Variants in SHISA9 observed in about 807,000 individuals in gnomAD.
SHISA9 encodes the protein shisa family member 9, also known as protein shisa-9.
In SHISA9, 13 loss-of-function variants were observed where a neutral mutation model predicts 38.0. That is an observed-to-expected ratio of 0.34 (90% CI 0.22 to 0.54). The LOEUF (loss-of-function observed/expected upper bound fraction) is 0.54, where lower values mean the gene tolerates loss of function less well. Among genes scored for constraint, SHISA9 ranks in the 20% least tolerant of loss-of-function variants. The pLI is 0.91. For missense variants in SHISA9, 538 were observed against 575.8 expected, an observed-to-expected ratio of 0.93 and a Z score of 0.67; for synonymous variants, 275 against 242.0, an observed-to-expected ratio of 1.14 and a Z score of -1.27.
chr16:13,415,897 T>C, the SHISA9 span, among the ~76,000 whole-genome samples: 4 of 148,934 alleles, frequency 2.7e-5, no homozygotes, highest in African/African-American at 7.8e-5. Context: ...TGGAAGATTA[T>C]ATTTATATGA....
chr16:13,231,960 G>A (rs562832252), intron 4 of SHISA9, among the ~76,000 whole-genome samples: 22 of 152,290 alleles, frequency 1.4e-4, no homozygotes, highest in Middle Eastern at 3.4e-3. Context: ...TTTGTCAAGC[G>A]GGAGAAATAG....
chr16:13,368,129 C>T, the SHISA9 span, among the ~76,000 whole-genome samples: 17 of 152,074 alleles, frequency 1.1e-4, no homozygotes, highest in Admixed American at 1.1e-3. Flanking sequence ...AATCAACCAG[C>T]CCTTAAAACT....
At chr16:13,468,009 G>A in the SHISA9 span, among the ~76,000 whole-genome samples, 1 of 152,130 alleles carries the variant, frequency 6.6e-6, no homozygotes. Context: ...TAACAGCAAT[G>A]GATATTACAA....
chr16:13,039,671 G>T (rs2073112485), intron 2 of SHISA9, among the ~76,000 whole-genome samples: 1 of 152,054 alleles, frequency 6.6e-6, no homozygotes, highest in Non-Finnish European at 1.5e-5. Context: ...CTAGTATGAG[G>T]TTTATTTTTC....
At chr16:13,537,034 C>A in the SHISA9 span, among the ~76,000 whole-genome samples, 1 of 152,084 alleles carries the variant, frequency 6.6e-6, no homozygotes. Flanking sequence ...CTCTGACATA[C>A]CAGCTCCACT....
chr16:12,944,633 A>C (rs1159461342), intron 2 of SHISA9, among the ~76,000 whole-genome samples: 13 of 152,118 alleles, frequency 8.5e-5, no homozygotes, highest in Non-Finnish European at 1.5e-4. Context: ...CGTTCCATGA[A>C]ATGACCCTGG....
intron 2 of SHISA9, among the ~76,000 whole-genome samples, chr16:13,191,297 T>TGTCATTAGTCTG (rs1213431488): frequency 1.3e-5 from 2 of 152,232 alleles, no homozygotes; most frequent in African/African-American, 4.8e-5. Context: ...GCCCATTCCC[T>TGTCATTAGTCTG]GTCATTAGTC....
At chr16:13,108,573 G>A (rs928247670) in intron 2 of SHISA9, among the ~76,000 whole-genome samples, 6 of 152,036 alleles carry the variant, frequency 3.9e-5, no homozygotes, top group East Asian at 1.9e-4. Flanking sequence ...CCCAAAGAGA[G>A]CATCTTTGAT....
the SHISA9 span, among the ~76,000 whole-genome samples, chr16:13,407,776 C>T: frequency 9.0e-3 from 1,367 of 152,104 alleles, 17 homozygotes; most frequent in African/African-American, 0.032. Context: ...AGGTTTTCCT[C>T]CCTGATGAAA....
At chr16:13,265,914 A>C in the SHISA9 span, among the ~76,000 whole-genome samples, 1 of 152,172 alleles carries the variant, frequency 6.6e-6, no homozygotes, top group Non-Finnish European at 1.5e-5. Context: ...CACTGAAATC[A>C]ATTTCCTAAA....
the SHISA9 span, among the ~76,000 whole-genome samples, chr16:13,409,392 G>T: frequency 6.6e-6 from 1 of 152,214 alleles, no homozygotes; most frequent in African/African-American, 2.4e-5. Flanking sequence ...AAGGTGGAGG[G>T]TCCACTGAGC....
chr16:13,358,869 G>C, the SHISA9 span, among the ~76,000 whole-genome samples: 3 of 152,178 alleles, frequency 2.0e-5, no homozygotes, highest in Non-Finnish European at 4.4e-5. Flanking sequence ...GTGTTTTTAG[G>C]ACCAAATAGT....
At chr16:12,986,115 T>C (rs2072304930) in intron 2 of SHISA9, among the ~76,000 whole-genome samples, 1 of 152,190 alleles carries the variant, frequency 6.6e-6, no homozygotes, top group African/African-American at 2.4e-5. Context: ...TTTTCATAAC[T>C]GGGAGTAGTT....
At chr16:13,172,955 C>CTTTTTA (rs2050699731) in intron 2 of SHISA9, among the ~76,000 whole-genome samples, 3 of 151,994 alleles carry the variant, frequency 2.0e-5, no homozygotes, top group Admixed American at 1.3e-4. Context: ...AATAAAAATT[C>CTTTTTA]TTTTTTGTGA....
rs983509372 is a variant in SHISA9, at chr16:12,977,181, G to T, written c.691+60366G>T. ...GACGGGCTGTGTTCCAGACAATGGA[G>T]GCTCGGTTGGGCTGGGTTCCTGGGT... On this transcript the variant is annotated intron_variant, in intron 2 of 4. Coordinates refer to ENST00000558583, the MANE Select transcript of SHISA9 (RefSeq NM_001145204.3). Among the ~76,000 whole-genome samples, 22 of 152,276 alleles carry T rather than the reference G, an allele frequency of 1.4e-4. 1 individual carries two copies. The highest frequency in any genetic ancestry group is 4.8e-4 in the African/African-American group (20 of 41,550).
chr16:13,034,743 T>C (rs1055135707), intron 2 of SHISA9, among the ~76,000 whole-genome samples: 11 of 152,224 alleles, frequency 7.2e-5, no homozygotes, highest in African/African-American at 1.9e-4. Context: ...TCTGAGCCTA[T>C]AGCTGAAGAA....
chr16:13,502,350 T>C, the SHISA9 span, among the ~76,000 whole-genome samples: 1 of 152,082 alleles, frequency 6.6e-6, no homozygotes, highest in African/African-American at 2.4e-5. Flanking sequence ...GGGAGGAAAA[T>C]GTCCACGTGC....
chr16:13,205,634 T>A (rs925632812), intron 3 of SHISA9, among the ~76,000 whole-genome samples: 1 of 152,192 alleles, frequency 6.6e-6, no homozygotes, highest in African/African-American at 2.4e-5. Flanking sequence ...GTAAAGGACA[T>A]TCATTCAACA....
the SHISA9 span, among the ~76,000 whole-genome samples, chr16:13,440,643 T>C: frequency 1.3e-5 from 2 of 152,154 alleles, no homozygotes; most frequent in Non-Finnish European, 2.9e-5. Context: ...AAAGGGACAT[T>C]GGTGGCCGGG....
Sources: allele counts gnomAD v4.1 joint callset (sites outside exome capture counted in the v4.1 genomes callset), GRCh38; gene constraint gnomAD v4.1.1; transcripts MANE v1.5; gene names NCBI Gene and HGNC (gene_info 2026-07-23, HGNC 2026-07-21).